The following RORA variants were observed in gnomAD, a reference collection of about 807,000 sequenced individuals.
RORA encodes RAR related orphan receptor A, also known as nuclear receptor ROR-alpha.
In RORA, 7 loss-of-function variants were observed where a neutral mutation model predicts 69.5. The observed-to-expected ratio is 0.10, with a 90% CI of 0.06 to 0.19. The LOEUF is 0.19. Among genes scored for constraint, RORA ranks in the 10% least tolerant of loss-of-function variants. The probability of loss-of-function intolerance (pLI) is 1.00; values close to 1 mark genes in which losing one functional copy is unlikely to be tolerated. For synonymous variants in RORA, 261 were observed against 240.8 expected, an observed-to-expected ratio of 1.08 and a Z score of -0.78; for missense variants, 457 against 663.0, an observed-to-expected ratio of 0.69 and a Z score of 3.41.
rs115279691 is a variant in RORA at position 60,857,642 on chromosome 15, G to A, written c.167-178956C>T. ...GAAGGCCTACCTGGCTGCCGCACAC[G>A]CCCTGCAAAATGGCACACAGGTGCT... On this transcript the variant is annotated intron_variant, in intron 1 of 10. Coordinates refer to ENST00000335670, the MANE Select transcript of RORA (RefSeq NM_134261.3). Among the ~76,000 whole-genome samples, 954 of 152,194 alleles carry A rather than the reference G, an allele frequency of 6.3e-3. 9 individuals carry two copies. Among genetic ancestry groups the A allele is most frequent in the African/African-American group, 0.022 (909 of 41,526 alleles).
intron 2 of RORA, among the ~76,000 whole-genome samples, chr15:60,666,434 C>T (rs1300078915): frequency 6.6e-6 from 1 of 151,266 alleles, no homozygotes; most frequent in East Asian, 1.9e-4. Context: ...ATCCCCCCTC[C>T]TCAGCCTCCC....
chr15:61,071,987 T>C (rs1221038168), intron 1 of RORA, among the ~76,000 whole-genome samples: 1 of 152,056 alleles, frequency 6.6e-6, no homozygotes, highest in Non-Finnish European at 1.5e-5. Flanking sequence ...CTAAAGTCTC[T>C]AGACAGATCC....
chr15:60,645,471 A>C (rs1160228262), intron 2 of RORA, among the ~76,000 whole-genome samples: 2 of 147,556 alleles, frequency 1.4e-5, no homozygotes, highest in South Asian at 2.1e-4. Context: ...GGCTCACTGC[A>C]ACCTCTGCCT....
At chr15:60,863,973 G>T (rs912312473) in intron 1 of RORA, among the ~76,000 whole-genome samples, 5 of 151,942 alleles carry the variant, frequency 3.3e-5, no homozygotes, top group African/African-American at 1.2e-4. Context: ...TGCCCAGCTA[G>T]TTTTTGTATT....
chr15:60,876,325 G>C (rs553773406), intron 1 of RORA, among the ~76,000 whole-genome samples: 5 of 134,222 alleles, frequency 3.7e-5, no homozygotes, highest in African/African-American at 1.4e-4. Flanking sequence ...GGGGGGGGGG[G>C]GCGGCTAGGA....
chr15:60,660,777 A>G (rs1262981872), intron 2 of RORA, among the ~76,000 whole-genome samples: 1 of 152,206 alleles, frequency 6.6e-6, no homozygotes, highest in Non-Finnish European at 1.5e-5. Flanking sequence ...TTTAGAAACC[A>G]AAACCAAGCC....
chr15:61,187,311 C>T (rs1470048842), intron 1 of RORA, among the ~76,000 whole-genome samples: 1 of 152,242 alleles, frequency 6.6e-6, no homozygotes. Flanking sequence ...CCGCCAGGCC[C>T]AAGTGGGGAA....
intron 3 of RORA, chr15:60,520,080 C>T (rs6494206): frequency 0.36 from 54,280 of 151,932 alleles, 12,489 homozygotes; most frequent in African/African-American, 0.65. Context: ...CGCAAGCAGA[C>T]ACACCTTATT....
intron 1 of RORA, among the ~76,000 whole-genome samples, chr15:61,087,282 T>TA (rs2078639462): frequency 6.6e-6 from 1 of 152,196 alleles, no homozygotes; most frequent in Non-Finnish European, 1.5e-5. Flanking sequence ...CACTTACACT[T>TA]AAAGATGTGA....
At chr15:61,031,018 C>A (rs1472288117) in intron 1 of RORA, among the ~76,000 whole-genome samples, 3 of 152,128 alleles carry the variant, frequency 2.0e-5, no homozygotes, top group African/African-American at 7.2e-5. Context: ...TATCATTATT[C>A]AAGTACTTCA....
Position 60,496,861 on chromosome 15 carries a change from A to G in RORA, c.*594T>C, listed in dbSNP as rs1368618983. On this transcript the variant is annotated 3_prime_UTR_variant, in exon 11 of 11. Transcript: ENST00000335670. This position sits in a 1 kb window ranked among gnomAD's most constrained non-coding sequence, Gnocchi z 4.5. ...ACTACATTTTATATTACTTAAAACA[A>G]TATATAAACAATATCTCTTTTAGCT... 2.0e-5 allele frequency: 3 copies of G among 152,222 alleles called. No individual in the cohort carries two copies. The highest frequency in any genetic ancestry group is 4.4e-5 in the Non-Finnish European group (3 of 68,042). 9.4% of individuals were successfully genotyped at this position (152,222 alleles called of 1,614,324 possible).
At chr15:60,641,475 T>C (rs541535710) in intron 2 of RORA, among the ~76,000 whole-genome samples, 1 of 152,208 alleles carries the variant, frequency 6.6e-6, no homozygotes, top group Admixed American at 6.5e-5. Flanking sequence ...AATGGCACAA[T>C]CTCAGCTCCC....
chr15:61,044,527 A>G (rs1005922268), intron 1 of RORA, among the ~76,000 whole-genome samples: 2 of 152,204 alleles, frequency 1.3e-5, no homozygotes, highest in South Asian at 2.1e-4. Context: ...AAATATCTCA[A>G]TTTTTTTACA....
chr15:60,823,792 CTGA>C (rs2072924075), intron 1 of RORA, among the ~76,000 whole-genome samples: 1 of 117,034 alleles, frequency 8.5e-6, no homozygotes, highest in Admixed American at 8.6e-5. Flanking sequence ...ACAGCAGGTG[CTGA>C]TAAGAAATTA....
chr15:60,769,459 C>A (rs1240940791), intron 1 of RORA, among the ~76,000 whole-genome samples: 1 of 152,154 alleles, frequency 6.6e-6, no homozygotes, highest in Non-Finnish European at 1.5e-5. Flanking sequence ...CTGACATATG[C>A]ACCTGTAAGC....
intron 1 of RORA, among the ~76,000 whole-genome samples, chr15:60,815,883 T>C (rs2072803243): frequency 6.9e-6 from 1 of 145,924 alleles, no homozygotes; most frequent in Non-Finnish European, 1.5e-5. Flanking sequence ...ATATTTATAC[T>C]ATTTATATAC....
chr15:60,930,165 T>G (rs533478780), intron 1 of RORA, among the ~76,000 whole-genome samples: 8 of 152,300 alleles, frequency 5.3e-5, no homozygotes, highest in Non-Finnish European at 1.2e-4. Flanking sequence ...TTTTAGATGG[T>G]AGAGCTCTAG....
chr15:60,927,455 C>T (rs1361789654), intron 1 of RORA, among the ~76,000 whole-genome samples: 2 of 152,198 alleles, frequency 1.3e-5, no homozygotes, highest in Non-Finnish European at 2.9e-5. Flanking sequence ...TTCCTTCCTA[C>T]TTCTAACTAC....
chr15:61,131,668 T>C lies in RORA; in HGVS notation c.166+97385A>G, dbSNP rs1016033979. On this transcript the variant is annotated intron_variant, in intron 1 of 10. Coordinates refer to ENST00000335670, the MANE Select transcript of RORA (RefSeq NM_134261.3). This position sits in a 1 kb window ranked among gnomAD's most constrained non-coding sequence, Gnocchi z 4.2. ...TAAGCACTTTTAATGTATTCACTCATTTAATATGAAATGAAAGGCAATGTG... is the reference window on the plus strand; with the variant it reads ...TAAGCACTTTTAATGTATTCACTCACTTAATATGAAATGAAAGGCAATGTG... Among the ~76,000 whole-genome samples the C allele has an allele frequency of 1.3e-5, 2 of 152,220 alleles. No individual in the cohort carries two copies. Among genetic ancestry groups the C allele is most frequent in the Non-Finnish European group, 2.9e-5 (2 of 68,044 alleles).
Sources: allele counts gnomAD v4.1 joint callset (sites outside exome capture counted in the v4.1 genomes callset), GRCh38; gene constraint gnomAD v4.1.1; non-coding constraint Gnocchi (gnomAD v3.1); transcripts MANE v1.5; gene names NCBI Gene and HGNC (gene_info 2026-07-23, HGNC 2026-07-21).